Variants in EBF4 observed in about 807,000 individuals in gnomAD.
EBF4 encodes the protein transcription factor COE4.
In EBF4, 34 loss-of-function variants were observed where a neutral mutation model predicts 67.1. The observed-to-expected ratio is 0.51, with a 90% CI of 0.39 to 0.67. The LOEUF (loss-of-function observed/expected upper bound fraction) is 0.67. Among genes scored for constraint, EBF4 ranks in the 30% least tolerant of loss-of-function variants. EBF4 has a pLI of 0.00. For synonymous variants in EBF4, 387 were observed against 377.7 expected (o/e 1.02, Z -0.29); for missense variants, 837 against 873.3 (o/e 0.96, Z 0.52).
intron 1 of EBF4, among the ~76,000 whole-genome samples, chr20:2,704,331 G>A (rs1026078773): frequency 1.2e-4 from 18 of 152,102 alleles, no homozygotes; most frequent in Non-Finnish European, 5.9e-5. Flanking sequence ...TGTGGCCACA[G>A]CACCCTTTTC....
intron 6 of EBF4, among the ~76,000 whole-genome samples, chr20:2,743,847 T>C (rs1347895683): frequency 6.6e-6 from 1 of 152,182 alleles, no homozygotes; most frequent in East Asian, 1.9e-4. Context: ...AAGTATACAA[T>C]GTGTGGTGAT....
intron 15 of EBF4, among the ~76,000 whole-genome samples, chr20:2,757,111 G>A (rs938517618): frequency 3.3e-5 from 5 of 152,160 alleles, no homozygotes; most frequent in Non-Finnish European, 5.9e-5. Context: ...GCAGGGGCAG[G>A]TGGGGCAGCC....
At chr20:2,750,013 G>T (rs747870971) in intron 10 of EBF4, 40 bp downstream of exon 10, 11 of 1,519,634 alleles carry the variant, frequency 7.2e-6, no homozygotes, top group Non-Finnish European at 9.7e-6. Context: ...TAAGGTGCGC[G>T]GAGGGAGCCC....
At chr20:2,704,552 T>G (rs1007306519) in intron 1 of EBF4, among the ~76,000 whole-genome samples, 5 of 152,236 alleles carry the variant, frequency 3.3e-5, no homozygotes, top group African/African-American at 1.2e-4. Flanking sequence ...CTTGTGCTGT[T>G]TATTCTGCCC....
At chr20:2,704,293 C>T (rs528329690) in intron 1 of EBF4, among the ~76,000 whole-genome samples, 1 of 152,112 alleles carries the variant, frequency 6.6e-6, no homozygotes, top group Admixed American at 6.5e-5. Flanking sequence ...TGGAGGGTGT[C>T]CTAGGGGCCC....
At chr20:2,744,200 C>G (rs1274013079) in intron 6 of EBF4, among the ~76,000 whole-genome samples, 9 of 152,058 alleles carry the variant, frequency 5.9e-5, no homozygotes, top group Middle Eastern at 3.4e-3. Context: ...CCTGCCTCAG[C>G]CTCCCGAGTA....
At chr20:2,715,946 G>A (rs531215404) in intron 6 of EBF4, among the ~76,000 whole-genome samples, 45 of 151,928 alleles carry the variant, frequency 3.0e-4, no homozygotes, top group Middle Eastern at 3.4e-3. Flanking sequence ...ATGGGATTTC[G>A]CCATGTTGGC....
rs548522617 is a variant in EBF4 at position 2,751,011 on chromosome 20, G to T, written c.1019-689G>T. On this transcript the variant is annotated intron_variant, in intron 10 of 16. Coordinates refer to ENST00000609451, the Ensembl canonical transcript of EBF4. The surrounding 1 kb of genome is among the most constrained non-coding windows in gnomAD (Gnocchi z 5.2). Reference sequence around the variant, plus strand: ...CGGGGCCAGGCTATCTGAAAAGGGCGGTGCGGGGATCAGGAAAAGGGGAAG... The same window carrying T: ...CGGGGCCAGGCTATCTGAAAAGGGCTGTGCGGGGATCAGGAAAAGGGGAAG... 6.6e-6 allele frequency among the ~76,000 whole-genome samples: 1 copy of T among 152,174 alleles called. No individual in the cohort carries two copies. Among genetic ancestry groups the T allele is most frequent in the Non-Finnish European group, 1.5e-5 (1 of 68,046 alleles).
intron 4 of EBF4, 58 bp downstream of exon 4, chr20:2,706,322 C>G: frequency 6.5e-7 from 1 of 1,544,298 alleles, no homozygotes; most frequent in Non-Finnish European, 8.8e-7. Context: ...ACCCTGCCTC[C>G]CCCTGGTCTG....
At chr20:2,716,424 G>A (rs1222828228) in intron 6 of EBF4, among the ~76,000 whole-genome samples, 1 of 151,542 alleles carries the variant, frequency 6.6e-6, no homozygotes, top group Non-Finnish European at 1.5e-5. Flanking sequence ...AGCTACTCGG[G>A]AGGCTGAGGC....
At chr20:2,709,326 C>G (rs558010181) in intron 5 of EBF4, among the ~76,000 whole-genome samples, 1 of 152,188 alleles carries the variant, frequency 6.6e-6, no homozygotes, top group Non-Finnish European at 1.5e-5. Flanking sequence ...CCTCCAGGAA[C>G]GAGGTGCCTT....
At chr20:2,754,742 T>C (rs1334054709) in intron 14 of EBF4, among the ~76,000 whole-genome samples, 1 of 151,820 alleles carries the variant, frequency 6.6e-6, no homozygotes, top group Non-Finnish European at 1.5e-5. Context: ...CAGATGAGGA[T>C]GTAGAAAGGT....
At chr20:2,748,699 G>A (rs997146034) in intron 7 of EBF4, 69 bp downstream of exon 7, 92 of 1,506,918 alleles carry the variant, frequency 6.1e-5, no homozygotes, top group Middle Eastern at 1.8e-4. Flanking sequence ...GGAGGGGGAA[G>A]GGAAGGCTGT....
At chr20:2,754,664 T>C (rs923407076) in intron 14 of EBF4, among the ~76,000 whole-genome samples, 4 of 152,156 alleles carry the variant, frequency 2.6e-5, no homozygotes, top group African/African-American at 9.7e-5. Flanking sequence ...CCCCACTGCC[T>C]GCTGCCTGGA....
rs1027140751 is a variant in EBF4 at position 2,755,360 on chromosome 20, G to C, written c.1541-267G>C. 10 of 489,046 alleles carry C rather than the reference G, an allele frequency of 2.0e-5. No individual in the cohort carries two copies. The highest frequency in any genetic ancestry group is 7.5e-5 in the Admixed American group (2 of 26,526). 30.3% of individuals were successfully genotyped at this position (489,046 alleles called of 1,614,324 possible). A position where few individuals can be genotyped will look rare whatever the true frequency, so the allele number is the denominator to read the frequency against. On this transcript the variant is annotated intron_variant, in intron 14 of 16. Transcript: ENST00000609451. The surrounding 1 kb of genome is among the most constrained non-coding windows in gnomAD (Gnocchi z 4.7). ...TCATTTTTGGGGGGTACCTCCCACT[G>C]TTTGTTTTTTTTGAATGTTCTGGTT...
rs1434185881 is a variant in EBF4, at chr20:2,745,387, A to G, written c.558-3162A>G. 6.6e-6 allele frequency among the ~76,000 whole-genome samples: 1 copy of G among 152,240 alleles called. No homozygotes were observed. Among genetic ancestry groups the G allele is most frequent in the African/African-American group, 2.4e-5 (1 of 41,468 alleles). Reference sequence around the variant, plus strand: ...GGGACTGACCCTCAGCCCCCACTGCAGGCCATGGTCTTGTGCAGCTGCTTT... The same window carrying G: ...GGGACTGACCCTCAGCCCCCACTGCGGGCCATGGTCTTGTGCAGCTGCTTT... On this transcript the variant is annotated intron_variant, in intron 6 of 16. Transcript: ENST00000609451. This position sits in a 1 kb window ranked among gnomAD's most constrained non-coding sequence, Gnocchi z 5.2.
At chr20:2,725,719 G>C (rs958730344) in intron 6 of EBF4, among the ~76,000 whole-genome samples, 1 of 152,180 alleles carries the variant, frequency 6.6e-6, no homozygotes, top group African/African-American at 2.4e-5. Flanking sequence ...CCTGGAACAA[G>C]GGGTGCTACC....
intron 6 of EBF4, among the ~76,000 whole-genome samples, chr20:2,711,808 T>A (rs2087548459): frequency 6.6e-6 from 1 of 152,100 alleles, no homozygotes. Context: ...TGATAACAGC[T>A]AAGAAAAATA....
chr20:2,735,576 C>T (rs1452173601), intron 6 of EBF4, among the ~76,000 whole-genome samples: 1 of 152,184 alleles, frequency 6.6e-6, no homozygotes, highest in East Asian at 1.9e-4. Context: ...CTTAGCAATT[C>T]CCAAAGTCCT....
Sources: allele counts gnomAD v4.1 joint callset (sites outside exome capture counted in the v4.1 genomes callset), GRCh38; gene constraint gnomAD v4.1.1; non-coding constraint Gnocchi (gnomAD v3.1); transcripts MANE v1.5; gene names NCBI Gene and HGNC (gene_info 2026-07-23, HGNC 2026-07-21).